Variants in SKOR2 observed in about 807,000 individuals in gnomAD.
SKOR2 encodes the protein SKI family transcriptional corepressor 2.
Under a neutral mutation model 69.1 loss-of-function variants are expected in SKOR2, and 47 were observed. The ratio of observed to expected loss-of-function variants is 0.68; its 90% CI spans 0.54 to 0.87. The LOEUF (loss-of-function observed/expected upper bound fraction) is 0.87, where lower values mean the gene tolerates loss of function less well. SKOR2 is among the 40% of genes least tolerant of loss of function. The pLI, the probability that SKOR2 is intolerant of heterozygous loss-of-function variation, is 0.00. For synonymous variants in SKOR2, 717 were observed against 672.6 expected (o/e 1.07, Z -1.02); for missense variants, 1,404 against 1,472.2 (o/e 0.95, Z 0.76).
At chr18:47,244,427 T>C (rs2064262228) in intron 4 of SKOR2, among the ~76,000 whole-genome samples, 1 of 152,234 alleles carries the variant, frequency 6.6e-6, no homozygotes, top group African/African-American at 2.4e-5. Flanking sequence ...CCCAAACCCC[T>C]TGGAGACATT....
chr18:47,241,788 A>G lies in SKOR2; in HGVS notation c.2752+3120T>C, dbSNP rs573415909. ...CCTGTCTCCCATTCAATACAGGATAATAAGATTGTATAACCTCCTACTACA... is the reference window on the plus strand; with the variant it reads ...CCTGTCTCCCATTCAATACAGGATAGTAAGATTGTATAACCTCCTACTACA... On this transcript the variant is annotated intron_variant, in intron 4 of 8. Transcript: ENST00000425639. Among the ~76,000 whole-genome samples the G allele has an allele frequency of 5.3e-5, 8 of 152,320 alleles. No homozygotes were observed. The South Asian group carries it at 1.4e-3, about 28-fold the overall frequency.
intron 6 of SKOR2, among the ~76,000 whole-genome samples, chr18:47,222,606 G>A (rs1269574721): frequency 1.3e-5 from 2 of 152,202 alleles, no homozygotes; most frequent in African/African-American, 4.8e-5. Context: ...AGGAAGATCA[G>A]TGTGGTTCCA....
intron 4 of SKOR2, among the ~76,000 whole-genome samples, chr18:47,237,383 A>G (rs1307948081): frequency 6.6e-6 from 1 of 152,246 alleles, no homozygotes; most frequent in Admixed American, 6.5e-5. Context: ...TGTAGCCTCC[A>G]ACAGCAAAAA....
chr18:47,246,771 C>T lies in SKOR2; in HGVS notation c.2413G>A (p.Ala805Thr). 2 of 1,404,352 alleles carry T rather than the reference C, an allele frequency of 1.4e-6. No individual in the cohort carries two copies. Among genetic ancestry groups the T allele is most frequent in the Admixed American group, 3.4e-5 (1 of 29,730 alleles). The allele number at this position is 1,404,352 out of a possible 1,614,324, so 87.0% of individuals were successfully genotyped here. ...CCGAGCGGGAACGCGCCCGCGACGG[C>T]CGGCGCGCGGTCCCGGCTGCTCCCC... ...EKGSSRDRAP[A>T]VAGAFPLGLN... is the part of the protein sequence containing the mutation. Residue 805 changes from alanine (A) to threonine (T), a missense_variant, in exon 2 of 9, where the codon GCC becomes ACC. Transcript: ENST00000425639.
At chr18:47,231,353 C>G (rs1438391558) in intron 4 of SKOR2, among the ~76,000 whole-genome samples, 1 of 152,078 alleles carries the variant, frequency 6.6e-6, no homozygotes, top group African/African-American at 2.4e-5. Flanking sequence ...TGGTAGAAAT[C>G]TGATTGGAGT....
At chr18:47,244,831 TCA>T in intron 4 of SKOR2, 75 bp downstream of exon 4, 1 of 1,330,118 alleles carries the variant, frequency 7.5e-7, no homozygotes, top group East Asian at 2.5e-5. Context: ...TACTAAATAT[TCA>T]GTCTTTTGAT....
intron 7 of SKOR2, among the ~76,000 whole-genome samples, chr18:47,218,759 A>T (rs2064152092): frequency 6.6e-6 from 1 of 152,202 alleles, no homozygotes; most frequent in Non-Finnish European, 1.5e-5. Flanking sequence ...TCAAGGAATC[A>T]AAAGCTAAGA....
Position 47,248,902 on chromosome 18 carries a change from G to A in SKOR2, c.282C>T (p.Cys94=), listed in dbSNP as rs777794065. 1.3e-4 allele frequency: 207 copies of A among 1,569,920 alleles called. No homozygotes were observed. The highest frequency in any genetic ancestry group is 1.7e-4 in the Non-Finnish European group (197 of 1,165,316). The change falls in exon 2 of 9, where the codon TGC becomes TGT. Residue 94 remains cysteine (C), a synonymous_variant. Coordinates refer to ENST00000425639, the MANE Select transcript of SKOR2 (RefSeq NM_001278063.4). The surrounding 1 kb of genome is among the most constrained non-coding windows in gnomAD (Gnocchi z 6.4). ...GCAGGATCTCCAGTTGCACCGGCGT[G>A]CACTGCACACACGTGATGCCCAGTG... ...RVALGITCVQ[C]TPVQLEILRR... is the part of the protein sequence containing the mutation.
In SKOR2 at chr18:47,247,286, G is replaced by T. The variant is rs938752363; in HGVS notation, c.1898C>A (p.Ala633Glu). ...CCCGTGCAGCTTGGCCAGGCTCTCCGCGTCGTCCTTGCCGCCCACTGGCCG... is the reference window on the plus strand; with the variant it reads ...CCCGTGCAGCTTGGCCAGGCTCTCCTCGTCGTCCTTGCCGCCCACTGGCCG... ...AFRPVGGKDD[A>E]ESLAKLHGAS... The change falls in exon 2 of 9, where the codon GCG becomes GAG. Residue 633 changes from alanine to glutamate, a missense_variant. Physicochemically the swap from Ala to Glu is moderately radical, Grantham distance 107. Coordinates refer to ENST00000425639, the MANE Select transcript of SKOR2 (RefSeq NM_001278063.4). The surrounding 1 kb of genome is among the most constrained non-coding windows in gnomAD (Gnocchi z 6.6). The T allele has an allele frequency of 6.7e-7, 1 of 1,482,600 alleles. No individual in the cohort carries two copies. Among genetic ancestry groups the T allele is most frequent in the Middle Eastern group, 2.2e-4 (1 of 4,464 alleles). The allele number at this position is 1,482,600 out of a possible 1,614,324, so 91.8% of individuals were successfully genotyped here. A position where few individuals can be genotyped will look rare whatever the true frequency, so the allele number is the denominator to read the frequency against.
intron 7 of SKOR2, among the ~76,000 whole-genome samples, chr18:47,214,807 T>A (rs1436691379): frequency 6.6e-6 from 1 of 152,122 alleles, no homozygotes; most frequent in African/African-American, 2.4e-5. Flanking sequence ...AGCTCAGGAT[T>A]TTAGAGGCTC....
chr18:47,234,217 A>G (rs1173080386), intron 4 of SKOR2, among the ~76,000 whole-genome samples: 1 of 152,182 alleles, frequency 6.6e-6, no homozygotes, highest in South Asian at 2.1e-4. Flanking sequence ...GAGCCTGGAT[A>G]TATTTGTTCA....
Position 47,248,090 on chromosome 18 carries a change from C to T in SKOR2, c.1094G>A (p.Gly365Asp). 2 of 1,377,034 alleles carry T rather than the reference C, an allele frequency of 1.5e-6. No individual in the cohort carries two copies. The highest frequency in any genetic ancestry group is 1.9e-6 in the Non-Finnish European group (2 of 1,067,870). 85.3% of individuals were successfully genotyped at this position (1,377,034 alleles called of 1,614,324 possible). Reference sequence around the variant, plus strand: ...CCCTGCCCCGGCACCCGCCCCCGCGCCCGCGCCCACGCCCACGCCGGCCAC... The same window carrying T: ...CCCTGCCCCGGCACCCGCCCCCGCGTCCGCGCCCACGCCCACGCCGGCCAC... ...GCVAGVGVGA[G>D]AGAGAGAGAK... Residue 365 changes from glycine to aspartate, a missense_variant, in exon 2 of 9, where the codon GGC (glycine) becomes GAC (aspartate). By Grantham distance (94) the Gly-to-Asp change is moderately conservative. Around this residue, in one of 3 missense-constraint regions of SKOR2, gnomAD observed 1,266 missense variants for 1,309.9 expected, o/e 0.97. Transcript: ENST00000425639. This position sits in a 1 kb window ranked among gnomAD's most constrained non-coding sequence, Gnocchi z 6.4.
chr18:47,240,338 G>T (rs576021340), intron 4 of SKOR2, among the ~76,000 whole-genome samples: 53 of 152,214 alleles, frequency 3.5e-4, no homozygotes, highest in African/African-American at 1.3e-3. Context: ...CTTCACTAAA[G>T]TTATTCAAAA....
intron 4 of SKOR2, among the ~76,000 whole-genome samples, chr18:47,232,815 C>A (rs1002085227): frequency 6.6e-6 from 1 of 152,236 alleles, no homozygotes; most frequent in Non-Finnish European, 1.5e-5. Flanking sequence ...GATCTCCTTA[C>A]TATTTATTTC....
intron 8 of SKOR2, among the ~76,000 whole-genome samples, chr18:47,210,068 A>G (rs1038355716): frequency 6.6e-6 from 1 of 152,178 alleles, no homozygotes; most frequent in African/African-American, 2.4e-5. Flanking sequence ...GAAGAGTGAG[A>G]CCCTGTCTCA....
At chr18:47,232,873 C>A (rs966415322) in intron 4 of SKOR2, among the ~76,000 whole-genome samples, 3 of 152,112 alleles carry the variant, frequency 2.0e-5, no homozygotes, top group African/African-American at 7.2e-5. Flanking sequence ...TGTAGAAGTA[C>A]GGGGAGATTT....
Position 47,246,937 on chromosome 18 carries a change from G to C in SKOR2, c.2247C>G (p.His749Gln), listed in dbSNP as rs1253995657. The change falls in exon 2 of 9, where the codon CAC becomes CAG. Residue 749 changes from histidine to glutamine, a missense_variant. Transcript: ENST00000425639. ...EEEQEVDVEG[H>Q]KPPEGEEEEE... ...CCTCTTCCTCGCCCTCGGGGGGCTTGTGGCCCTCCACGTCCACCTCCTGCT... is the reference window on the plus strand; with the variant it reads ...CCTCTTCCTCGCCCTCGGGGGGCTTCTGGCCCTCCACGTCCACCTCCTGCT... 6.7e-7 allele frequency: 1 copy of C among 1,495,966 alleles called. No individual in the cohort carries two copies. The highest frequency in any genetic ancestry group is 8.9e-7 in the Non-Finnish European group (1 of 1,129,112). The allele number at this position is 1,495,966 out of a possible 1,614,324, so 92.7% of individuals were successfully genotyped here.
In SKOR2 at chr18:47,248,996, C is replaced by A; in HGVS notation, c.188G>T (p.Cys63Phe). 1.3e-6 allele frequency: 2 copies of A among 1,558,268 alleles called. No individual in the cohort carries two copies. Among genetic ancestry groups the A allele is most frequent in the Non-Finnish European group, 1.7e-6 (2 of 1,158,676 alleles). Residue 63 changes from cysteine (C) to phenylalanine (F), a missense_variant, in exon 2 of 9, where the codon TGC becomes TTC. Transcript: ENST00000425639. This position sits in a 1 kb window ranked among gnomAD's most constrained non-coding sequence, Gnocchi z 6.4. ...SLVIDGQERL[C>F]LAQISNTLLK... is the part of the protein sequence containing the mutation. ...CAGAGTGTTGGAGATCTGCGCCAGG[C>A]ACAGGCGCTCTTGCCCGTCGATCAC...
chr18:47,211,242 C>T (rs76558586), intron 8 of SKOR2, among the ~76,000 whole-genome samples: 7,981 of 152,210 alleles, frequency 0.052, 256 homozygotes, highest in East Asian at 0.09. Context: ...GGGAATGGAT[C>T]AAACTGATAA....
Sources: gnomAD v4.1 joint callset for allele counts (sites outside exome capture counted in the v4.1 genomes callset) on GRCh38, gnomAD v4.1.1 for gene constraint, gnomAD v4.1.1 regional missense constraint, Gnocchi (gnomAD v3.1) non-coding constraint, MANE v1.5 for transcripts, NCBI Gene and HGNC (gene_info 2026-07-23, HGNC 2026-07-21) for gene names.